The following GCSAML variants were observed in gnomAD, a reference collection of about 807,000 sequenced individuals.
GCSAML encodes germinal center associated signaling and motility like, also known as germinal center-associated signaling and motility-like protein.
In GCSAML, 9 loss-of-function variants were observed where a neutral mutation model predicts 13.0. The observed-to-expected ratio is 0.69, with a 90% CI of 0.42 to 1.21. GCSAML has a LOEUF of 1.21. Ranked by LOEUF, GCSAML falls within the 50% of genes most tolerant of loss-of-function variation. GCSAML has a pLI of 0.00. For synonymous variants in GCSAML, 37 were observed against 52.9 expected (o/e 0.70, Z 1.31); for missense variants, 143 against 153.4 (o/e 0.93, Z 0.36).
intron 4 of GCSAML, among the ~76,000 whole-genome samples, chr1:247,569,961 C>T (rs1558261979): frequency 2.0e-5 from 3 of 152,186 alleles, no homozygotes; most frequent in East Asian, 3.9e-4. Context: ...AGGAATTTAT[C>T]CATTTCTTCT....
chr1:247,538,756 G>A (rs920602506), intron 2 of GCSAML: 18 of 456,446 alleles, frequency 3.9e-5, no homozygotes, highest in Non-Finnish European at 7.9e-5. Context: ...CCAACCCTGA[G>A]GGTACCTTGA....
At chr1:247,512,695 G>T (rs1033790406) in intron 1 of GCSAML, among the ~76,000 whole-genome samples, 1 of 152,122 alleles carries the variant, frequency 6.6e-6, no homozygotes, top group Non-Finnish European at 1.5e-5. Flanking sequence ...TGGGGTTTCT[G>T]TGTGGCATCC....
chr1:247,560,449 G>A (rs921456186), intron 2 of GCSAML, among the ~76,000 whole-genome samples: 16 of 152,080 alleles, frequency 1.1e-4, no homozygotes, highest in African/African-American at 3.4e-4. Context: ...CTGCAGCTGT[G>A]GAGCTGAGCC....
chr1:247,574,105 C>T (rs755979766), intron 4 of GCSAML, 38 bp from the exon 5 acceptor site: 35 of 1,609,262 alleles, frequency 2.2e-5, no homozygotes, highest in Middle Eastern at 1.7e-4. Context: ...TATGAATGAC[C>T]GTGGATCCTT....
chr1:247,552,313 C>G (rs982462611), intron 1 of GCSAML, among the ~76,000 whole-genome samples: 46 of 152,172 alleles, frequency 3.0e-4, no homozygotes, highest in African/African-American at 1.1e-3. Context: ...AAGGAGTCAC[C>G]TTGGTGTGTG....
At chr1:247,536,212 ATGT>A (rs1558244682) in intron 2 of GCSAML, 2 of 152,206 alleles carry the variant, frequency 1.3e-5, no homozygotes, top group African/African-American at 4.8e-5. Context: ...CAGGGTGGAA[ATGT>A]TGTAAAATGG....
chr1:247,521,421 C>G (rs1431387609), intron 1 of GCSAML, among the ~76,000 whole-genome samples: 1 of 152,134 alleles, frequency 6.6e-6, no homozygotes, highest in Non-Finnish European at 1.5e-5. Context: ...TGGTCTCCCT[C>G]TGATGCCGAG....
At chr1:247,573,163 T>C (rs1668691266) in intron 4 of GCSAML, among the ~76,000 whole-genome samples, 1 of 152,112 alleles carries the variant, frequency 6.6e-6, no homozygotes. Context: ...TTCAGCCCCT[T>C]TTCCAGGGGA....
At chr1:247,508,907 T>C (rs1406793399) in intron 1 of GCSAML, among the ~76,000 whole-genome samples, 1 of 152,202 alleles carries the variant, frequency 6.6e-6, no homozygotes, top group African/African-American at 2.4e-5. Flanking sequence ...TACTGTAACC[T>C]TATAATATAG....
chr1:247,546,394 T>C (rs920167252), upstream of GCSAML, among the ~76,000 whole-genome samples: 5 of 152,178 alleles, frequency 3.3e-5, no homozygotes, highest in Admixed American at 2.0e-4. Flanking sequence ...AGTCTCGCTC[T>C]GTCACCCAGG....
intron 2 of GCSAML, among the ~76,000 whole-genome samples, chr1:247,535,800 T>G (rs1434777764): frequency 1.3e-5 from 2 of 152,198 alleles, no homozygotes; most frequent in Non-Finnish European, 2.9e-5. Context: ...AAATAGCGTT[T>G]TCAGTAAAGG....
At chr1:247,522,938 A>G (rs1002194403) in intron 1 of GCSAML, among the ~76,000 whole-genome samples, 18 of 145,628 alleles carry the variant, frequency 1.2e-4, no homozygotes, top group Admixed American at 7.5e-4. Flanking sequence ...AAAAAAAACC[A>G]TAACGTATAA....
At chr1:247,517,856 C>T (rs767240761) in intron 1 of GCSAML, among the ~76,000 whole-genome samples, 9 of 152,152 alleles carry the variant, frequency 5.9e-5, no homozygotes, top group Non-Finnish European at 1.2e-4. Flanking sequence ...CAAATGAGGC[C>T]AAGGGCGATG....
chr1:247,548,487 ATCCTTTTTTT>A (rs927368704), upstream of GCSAML, among the ~76,000 whole-genome samples: 2 of 152,076 alleles, frequency 1.3e-5, no homozygotes, highest in African/African-American at 4.8e-5. This position sits in a 1 kb window ranked among gnomAD's most constrained non-coding sequence, Gnocchi z 5.3. Flanking sequence ...TTCTATTCTC[ATCCTTTTTTT>A]TCCTTTTTCT....
rs1337646163 is a variant in GCSAML at position 247,527,084 on chromosome 1, T to C, written c.-148+30T>C. On this transcript the variant is annotated intron_variant, in intron 2 of 5. Transcript: ENST00000366489. The surrounding 1 kb of genome is among the most constrained non-coding windows in gnomAD (Gnocchi z 4.6). ...AAATCACATTTCAAGTGTATTTCCT[T>C]GGGTTCTGGAGAGGATGTCTTCATT... 1 of 456,524 alleles carries C rather than the reference T, an allele frequency of 2.2e-6. No homozygotes were observed. Among genetic ancestry groups the C allele is most frequent in the Non-Finnish European group, 4.4e-6 (1 of 226,950 alleles). The allele number at this position is 456,524 out of a possible 1,614,324, so 28.3% of individuals were successfully genotyped here.
Position 247,531,648 on chromosome 1 carries a change from T to C in GCSAML, c.-148+4594T>C, listed in dbSNP as rs779837671. ...CCGTGTTCCTCAGGGTGTAAATAAG[T>C]GGGTTCAGCGCAGGAGTGACTACGG... is the stretch of plus-strand genomic sequence containing the variant. On this transcript the variant is annotated intron_variant, in intron 2 of 5. Transcript: ENST00000366489. 3.1e-6 allele frequency: 5 copies of C among 1,614,126 alleles called. No homozygotes were observed. The South Asian group carries it at 5.5e-5, about 18-fold the overall frequency.
At chr1:247,538,609 G>C in intron 2 of GCSAML, 2 of 380,794 alleles carry the variant, frequency 5.3e-6, no homozygotes, top group Non-Finnish European at 1.0e-5. Flanking sequence ...CTTATAAAAA[G>C]AGTAAGAAAT....
chr1:247,543,151 A>G (rs754684866), intron 2 of GCSAML, among the ~76,000 whole-genome samples: 23 of 152,254 alleles, frequency 1.5e-4, no homozygotes, highest in Non-Finnish European at 2.6e-4. Context: ...TTTGGATATA[A>G]TATAAGTAAT....
upstream of GCSAML, among the ~76,000 whole-genome samples, chr1:247,547,927 TG>T (rs1422937366): frequency 6.6e-6 from 1 of 152,222 alleles, no homozygotes; most frequent in Non-Finnish European, 1.5e-5. Flanking sequence ...AAATCTGAAA[TG>T]GGGTGTGTGA....
Sources: allele counts gnomAD v4.1 joint callset (sites outside exome capture counted in the v4.1 genomes callset), GRCh38; gene constraint gnomAD v4.1.1; non-coding constraint Gnocchi (gnomAD v3.1); transcripts MANE v1.5; gene names NCBI Gene and HGNC (gene_info 2026-07-23, HGNC 2026-07-21).